The following TMEM242 variants were observed in gnomAD, a reference collection of about 807,000 sequenced individuals.
TMEM242 encodes UPF0463 transmembrane protein C6orf35.
In TMEM242, 10 loss-of-function variants were observed where a neutral mutation model predicts 18.2. The observed-to-expected ratio is 0.55, with a 90% CI of 0.34 to 0.93. The LOEUF is 0.93. TMEM242 is among the 40% of genes least tolerant of loss of function. TMEM242 has a pLI of 0.02. For synonymous variants in TMEM242, 57 were observed against 69.9 expected (o/e 0.81, Z 0.92); for missense variants, 186 against 175.5 (o/e 1.06, Z -0.34).
At chr6:157,299,339 G>C in intron 3 of TMEM242, 1 of 953,772 alleles carries the variant, frequency 1.0e-6, no homozygotes, top group Non-Finnish European at 1.7e-6. Context: ...CCATTGTTCA[G>C]GATCTTTATC....
chr6:157,303,483 AAAAAC>A (rs782076970), intron 3 of TMEM242, among the ~76,000 whole-genome samples: 1 of 152,384 alleles, frequency 6.6e-6, no homozygotes, highest in African/African-American at 2.4e-5. Flanking sequence ...TAAAACATTA[AAAAAC>A]AAAACAAAAA....
Position 157,292,917 on chromosome 6 carries a change from GT to G in TMEM242, c.409del (p.Thr137HisfsTer2). 2.5e-6 allele frequency: 4 copies of G among 1,612,902 alleles called. No individual in the cohort carries two copies. Among genetic ancestry groups the G allele is most frequent in the Non-Finnish European group, 3.4e-6 (4 of 1,179,074 alleles). On this transcript the variant is annotated frameshift_variant, in exon 4 of 4. Transcript: ENST00000400788. LOFTEE classifies it high-confidence loss of function. ...NSESAVEWEE[T>X]LKSK The stretch of plus-strand genomic sequence containing the variant: ...ATGCTCATCTCATTTGGATTTCAAT[GT>G]TTCCTCCCACTCAACAGCCGATTCG...
intron 3 of TMEM242, among the ~76,000 whole-genome samples, chr6:157,307,834 G>A (rs780191123): frequency 1.3e-5 from 2 of 152,292 alleles, no homozygotes; most frequent in South Asian, 4.1e-4. Context: ...AGGTTCTAGT[G>A]AGCACTATGA....
Position 157,322,687 on chromosome 6 carries a change from G to C in TMEM242, c.189+18C>G, listed in dbSNP as rs782132855. On this transcript the variant is annotated intron_variant, in intron 2 of 3. Coordinates refer to ENST00000400788, the MANE Select transcript of TMEM242 (RefSeq NM_018452.6). ...GTAAACAATAACAATGCTATGAATG[G>C]ATTTCAGTGTCACCAACCTTATTGA... is the stretch of plus-strand genomic sequence containing the variant. The C allele has an allele frequency of 2.5e-6, 4 of 1,596,442 alleles. No individual in the cohort carries two copies. The South Asian group carries it at 4.5e-5, about 18-fold the overall frequency.
chr6:157,322,585 T>A (rs587767922), intron 2 of TMEM242, 120 bp downstream of exon 2: 1 of 732,522 alleles, frequency 1.4e-6, no homozygotes, highest in African/African-American at 1.7e-5. Flanking sequence ...TCCATGAGCG[T>A]ATATAAATTC....
Position 157,293,006 on chromosome 6 carries a change from G to T in TMEM242, c.328-7C>A. 1 of 1,601,140 alleles carries T rather than the reference G, an allele frequency of 6.2e-7. No individual in the cohort carries two copies. The highest frequency in any genetic ancestry group is 8.6e-7 in the Non-Finnish European group (1 of 1,168,762). On this transcript the variant is annotated splice_polypyrimidine_tract_variant and splice_region_variant and intron_variant, in intron 3 of 3. Coordinates refer to ENST00000400788, the MANE Select transcript of TMEM242 (RefSeq NM_018452.6). ...TACTTCGAAAGTCGTTCATCTAAAA[G>T]AAGAAAAATAATCAGTTATCAAATG...
At chr6:157,301,024 A>G (rs935715284) in intron 3 of TMEM242, among the ~76,000 whole-genome samples, 2 of 152,152 alleles carry the variant, frequency 1.3e-5, no homozygotes, top group Non-Finnish European at 2.9e-5. Context: ...ATTCCCTTAC[A>G]GTTTCTGAGG....
intron 3 of TMEM242, among the ~76,000 whole-genome samples, chr6:157,313,928 C>A (rs1362042827): frequency 1.1e-4 from 4 of 37,574 alleles, no homozygotes; most frequent in Non-Finnish European, 2.3e-4. Flanking sequence ...TCCCAGTGTG[C>A]GCTCACCTGG....
intron 3 of TMEM242, among the ~76,000 whole-genome samples, chr6:157,315,386 C>T (rs1461255361): frequency 6.6e-6 from 1 of 152,142 alleles, no homozygotes; most frequent in Admixed American, 6.5e-5. Flanking sequence ...TAAACACTAC[C>T]GCCTTTAAAA....
intron 3 of TMEM242, among the ~76,000 whole-genome samples, chr6:157,306,295 G>T (rs1231231244): frequency 1.3e-5 from 2 of 152,222 alleles, no homozygotes; most frequent in Non-Finnish European, 2.9e-5. Flanking sequence ...AAGGCGGGAG[G>T]CAGGGAGAAC....
Position 157,305,861 on chromosome 6 carries a change from C to T in TMEM242, c.328-12862G>A, listed in dbSNP as rs1411317306. On this transcript the variant is annotated intron_variant, in intron 3 of 3. Transcript: ENST00000400788. The surrounding 1 kb of genome is among the most constrained non-coding windows in gnomAD (Gnocchi z 4.1). ...AACCTTAATAGCAGTTCCAGTGCAG[C>T]GCTGGGGCAAGGAGCTGGACTGAGA... Among the ~76,000 whole-genome samples, 1 of 151,996 alleles carries T rather than the reference C, an allele frequency of 6.6e-6. No homozygotes were observed. The highest frequency in any genetic ancestry group is 2.4e-5 in the African/African-American group (1 of 41,352).
At position 157,322,711 on chromosome 6, in the gene TMEM242, G is replaced by A; in HGVS notation, c.183C>T (p.Phe61=). 1 of 1,612,052 alleles carries A rather than the reference G, an allele frequency of 6.2e-7. No homozygotes were observed. The highest frequency in any genetic ancestry group is 8.5e-7 in the Non-Finnish European group (1 of 1,179,106). Residue 61 remains phenylalanine, a synonymous_variant, in exon 2 of 4, where the codon TTC becomes TTT. Transcript: ENST00000400788. The part of the protein sequence containing the change: ...SLAKKKSPEW[F]NKGSMATAAL... ...GGATTTCAGTGTCACCAACCTTATT[G>A]AACCATTCAGGGCTTTTCTTTTTAG...
chr6:157,314,011 ATAGTGTC>A (rs2128417056), intron 3 of TMEM242, among the ~76,000 whole-genome samples: 2 of 137,668 alleles, frequency 1.5e-5, no homozygotes, highest in Non-Finnish European at 3.2e-5. Flanking sequence ...ACCTAGCCTC[ATAGTGTC>A]TCAGTGTGCA....
At chr6:157,322,838 T>C (rs375249311) in intron 1 of TMEM242, 33 bp from the exon 2 acceptor site, 8 of 1,538,576 alleles carry the variant, frequency 5.2e-6, no homozygotes, top group Non-Finnish European at 7.1e-6. Context: ...GGGGGGATAT[T>C]AAAAAAAATT....
chr6:157,309,842 G>C (rs1777969897), intron 3 of TMEM242, among the ~76,000 whole-genome samples: 1 of 149,826 alleles, frequency 6.7e-6, no homozygotes, highest in African/African-American at 2.4e-5. Context: ...TATTACAGTT[G>C]AGGTTTCAGC....
rs587660238 is a variant in TMEM242, at chr6:157,290,304, T to C, written c.*2597A>G. 30 of 152,376 alleles carry C rather than the reference T, an allele frequency of 2.0e-4. No homozygotes were observed. The highest frequency in any genetic ancestry group is 6.7e-4 in the African/African-American group (28 of 41,584). The allele number at this position is 152,376 out of a possible 1,614,324, so 9.4% of individuals were successfully genotyped here. On this transcript the variant is annotated 3_prime_UTR_variant, in exon 4 of 4. Coordinates refer to ENST00000400788, the MANE Select transcript of TMEM242 (RefSeq NM_018452.6). ...CGTTATCCATCCTTTAAAGCATTTC[T>C]AGTGCTCAGCCTCCATGAAATGGAT... is the stretch of plus-strand genomic sequence containing the variant.
chr6:157,299,582 A>T, intron 3 of TMEM242: 2 of 1,573,424 alleles, frequency 1.3e-6, no homozygotes, highest in Non-Finnish European at 8.7e-7. Flanking sequence ...TACATAAGTT[A>T]AGTTATCCAC....
intron 3 of TMEM242, among the ~76,000 whole-genome samples, chr6:157,315,140 G>A (rs1475078427): frequency 6.6e-6 from 1 of 152,202 alleles, no homozygotes; most frequent in Non-Finnish European, 1.5e-5. Flanking sequence ...AGTACACAGT[G>A]ACAGAAGTTC....
chr6:157,313,155 T>G (rs797043215), intron 3 of TMEM242, among the ~76,000 whole-genome samples: 1 of 3,494 alleles, frequency 2.9e-4, no homozygotes, highest in Admixed American at 3.3e-3. Context: ...TGCGCTCACC[T>G]GGCCTCATCA....
Sources: gnomAD v4.1 joint callset for allele counts (sites outside exome capture counted in the v4.1 genomes callset) on GRCh38, gnomAD v4.1.1 for gene constraint, Gnocchi (gnomAD v3.1) non-coding constraint, MANE v1.5 for transcripts, NCBI Gene and HGNC (gene_info 2026-07-23, HGNC 2026-07-21) for gene names.